GEMIN5: variants seen among roughly 807,000 people sequenced by gnomAD.
GEMIN5 encodes the protein gem nuclear organelle associated protein 5.
Under a neutral mutation model 176.9 loss-of-function variants are expected in GEMIN5, and 124 were observed. The ratio of observed to expected loss-of-function variants is 0.70; its 90% confidence interval spans 0.61 to 0.81. The LOEUF is 0.81. Among genes scored for constraint, GEMIN5 ranks in the 40% least tolerant of loss-of-function variants. The pLI is 0.00. For synonymous variants in GEMIN5, 673 were observed against 665.2 expected, an observed-to-expected ratio of 1.01 and a Z score of -0.18; for missense variants, 1,843 against 1,814.6, an observed-to-expected ratio of 1.02 and a Z score of -0.28.
At chr5:154,906,929 G>A (rs1763579542) in intron 16 of GEMIN5, among the ~76,000 whole-genome samples, 3 of 152,036 alleles carry the variant, frequency 2.0e-5, no homozygotes, top group Admixed American at 1.3e-4. Context: ...TTTTACCAGG[G>A]ACCAGATATT....
In GEMIN5 at chr5:154,924,539, T is replaced by C; in HGVS notation, c.1309A>G (p.Thr437Ala). Reference protein sequence around the residue: ...SKVTALCWHPTKEGCLAFGTD... With the variant: ...SKVTALCWHPAKEGCLAFGTD... ...CCAAAAGCTAAGCAACCTTCCTTGG[T>C]TGGGTGCCAGCACAGCTACAAAAAA... The change falls in exon 9 of 28, where the codon ACC (threonine) becomes GCC (alanine). Residue 437 changes from threonine to alanine, a missense_variant. By Grantham distance (58) the Thr-to-Ala change is moderately conservative. Coordinates refer to ENST00000285873, the MANE Select transcript of GEMIN5 (RefSeq NM_015465.5). 1 of 1,611,492 alleles carries C rather than the reference T, an allele frequency of 6.2e-7. No homozygotes were observed. The highest frequency in any genetic ancestry group is 1.1e-5 in the South Asian group (1 of 91,026).
At chr5:154,911,006 CTTATGT>C (rs1763688656) in intron 15 of GEMIN5, among the ~76,000 whole-genome samples, 1 of 151,912 alleles carries the variant, frequency 6.6e-6, no homozygotes, top group Non-Finnish European at 1.5e-5. Context: ...CCTCCTCTTA[CTTATGT>C]TTAACAGTTG....
Position 154,927,537 on chromosome 5 carries a change from G to A in GEMIN5, c.928C>T (p.Gln310Ter). 1 of 1,602,828 alleles carries A rather than the reference G, an allele frequency of 6.2e-7. No homozygotes were observed. The highest frequency in any genetic ancestry group is 1.3e-5 in the African/African-American group (1 of 74,878). ...VSSCFGGELLQWDLTQSWRRK... is the reference protein window; with the variant it reads ...VSSCFGGELL ...CTCCAAGATTGAGTGAGATCCCATT[G>A]CAACAGTTCACCTCTGTGAAGGAAA... Residue 310 changes from glutamine (Q) to a stop codon, truncating the protein, a stop_gained, in exon 7 of 28, where the codon CAA (glutamine) becomes TAA (stop). Transcript: ENST00000285873. LOFTEE classifies it high-confidence loss of function.
chr5:154,898,532 C>G lies in GEMIN5; in HGVS notation c.3253G>C (p.Ala1085Pro). 1 of 1,614,176 alleles carries G rather than the reference C, an allele frequency of 6.2e-7. No individual in the cohort carries two copies. The highest frequency in any genetic ancestry group is 2.2e-5 in the East Asian group (1 of 44,882). The change falls in exon 23 of 28, where the codon GCT (alanine) becomes CCT (proline). Residue 1085 changes from alanine to proline, a missense_variant. Coordinates refer to ENST00000285873, the MANE Select transcript of GEMIN5 (RefSeq NM_015465.5). ...AAIVGEDELS[A>P]SLALRCAQEL... Reference sequence around the variant, plus strand: ...TGGGCACATCTGAGAGCCAGGGAAGCAGACAACTCATCCTCTCCTACGATG... The same window carrying G: ...TGGGCACATCTGAGAGCCAGGGAAGGAGACAACTCATCCTCTCCTACGATG...
rs2113471796 is a variant in GEMIN5 at position 154,904,687 on chromosome 5, G to A, written c.2510-58C>T. 8 of 1,380,836 alleles carry A rather than the reference G, an allele frequency of 5.8e-6. No homozygotes were observed. In the East Asian group the frequency reaches 1.6e-4, roughly 28 times the overall value. 85.5% of individuals were successfully genotyped at this position (1,380,836 alleles called of 1,614,324 possible). A position where few individuals can be genotyped will look rare whatever the true frequency, so the allele number is the denominator to read the frequency against. On this transcript the variant is annotated intron_variant, in intron 17 of 27. Transcript: ENST00000285873. ...GAGAACTGATCAGAAACATAAAACGGAATGCCTATTGTGTGAATGTAACCT... is the reference window on the plus strand; with the variant it reads ...GAGAACTGATCAGAAACATAAAACGAAATGCCTATTGTGTGAATGTAACCT...
chr5:154,937,945 C>T, intron 1 of GEMIN5, 23 bp downstream of exon 1: 4 of 1,544,342 alleles, frequency 2.6e-6, no homozygotes, highest in East Asian at 2.6e-5. Context: ...CAGTAAGTCT[C>T]GGGCCCAAGG....
At chr5:154,912,644 A>T (rs769684853) in intron 14 of GEMIN5, among the ~76,000 whole-genome samples, 5 of 152,194 alleles carry the variant, frequency 3.3e-5, no homozygotes, top group Non-Finnish European at 7.3e-5. Flanking sequence ...AGTCAGAATG[A>T]AATCTGTAAA....
At chr5:154,901,544 C>T in intron 20 of GEMIN5, 58 bp from the exon 21 acceptor site, 1 of 1,545,444 alleles carries the variant, frequency 6.5e-7, no homozygotes. Flanking sequence ...AAAAACAATA[C>T]CCAGTACATT....
intron 9 of GEMIN5, among the ~76,000 whole-genome samples, chr5:154,922,341 G>A (rs757989778): frequency 3.9e-5 from 6 of 152,036 alleles, no homozygotes; most frequent in Non-Finnish European, 8.8e-5. Flanking sequence ...CTAATTTTTT[G>A]TACTTTTAGT....
chr5:154,909,083 T>A (rs1169242194), intron 15 of GEMIN5, among the ~76,000 whole-genome samples: 1 of 151,854 alleles, frequency 6.6e-6, no homozygotes, highest in Non-Finnish European at 1.5e-5. Flanking sequence ...CTCAGCCTCT[T>A]GAATAGCTGG....
chr5:154,920,190 A>C, intron 10 of GEMIN5, 87 bp from the exon 11 acceptor site: 1 of 980,882 alleles, frequency 1.0e-6, no homozygotes, highest in Non-Finnish European at 1.5e-6. Context: ...ACCATACTAC[A>C]TAGTTGTTTT....
At chr5:154,891,861 A>G (rs1040930646) in intron 25 of GEMIN5, 119 bp from the exon 26 acceptor site, 2 of 979,080 alleles carry the variant, frequency 2.0e-6, no homozygotes, top group African/African-American at 3.3e-5. Flanking sequence ...AAAAAGGACA[A>G]CAGTGTGATC....
At position 154,935,872 on chromosome 5, in the gene GEMIN5, A is replaced by C. The variant is rs777937200; in HGVS notation, c.478T>G (p.Ser160Ala). 3 of 1,613,620 alleles carry C rather than the reference A, an allele frequency of 1.9e-6. No homozygotes were observed. Among genetic ancestry groups the C allele is most frequent in the Non-Finnish European group, 8.5e-7 (1 of 1,179,658 alleles). Residue 160 changes from serine to alanine, a missense_variant, in exon 3 of 28, where the codon TCA (serine) becomes GCA (alanine). By Grantham distance (99) the Ser-to-Ala change is moderately conservative (BLOSUM62 1). Coordinates refer to ENST00000285873, the MANE Select transcript of GEMIN5 (RefSeq NM_015465.5). ...EPRTIFCLTC[S>A]PHHEDLVAIG... is the part of the protein sequence containing the mutation. ...GCTACTAAATCTTCATGATGAGGTG[A>C]ACAAGTAAGACAGAAAATTGTCCTG...
intron 1 of GEMIN5, among the ~76,000 whole-genome samples, chr5:154,937,719 A>T (rs548822277): frequency 1.3e-5 from 2 of 152,322 alleles, no homozygotes; most frequent in East Asian, 3.9e-4. Context: ...CCGAGACTAT[A>T]CAAGGCTAAC....
At position 154,892,431 on chromosome 5, in the gene GEMIN5, C is replaced by T. The variant is rs1763249772; in HGVS notation, c.3716G>A (p.Ser1239Asn). Reference protein sequence around the residue: ...RAVVRSYDSGSFTIMQEVYSA... With the variant: ...RAVVRSYDSGNFTIMQEVYSA... ...GTACACTTCCTGCATGATGGTGAAGCTCCCTGAGTCATAGCTCCGGACCAC... is the reference window on the plus strand; with the variant it reads ...GTACACTTCCTGCATGATGGTGAAGTTCCCTGAGTCATAGCTCCGGACCAC... Residue 1239 changes from serine (S) to asparagine (N), a missense_variant, in exon 25 of 28, where the codon AGC becomes AAC. Ser to Asn is a conservative substitution (Grantham distance 46, BLOSUM62 1). Transcript: ENST00000285873. The T allele has an allele frequency of 1.2e-6, 2 of 1,614,058 alleles. No individual in the cohort carries two copies. Among genetic ancestry groups the T allele is most frequent in the African/African-American group, 1.3e-5 (1 of 74,946 alleles).
At chr5:154,936,527 A>C (rs1189764115) in intron 2 of GEMIN5, among the ~76,000 whole-genome samples, 2 of 152,240 alleles carry the variant, frequency 1.3e-5, no homozygotes, top group East Asian at 1.9e-4. Flanking sequence ...AATCATTAAA[A>C]ATTTTTTAAA....
At chr5:154,921,475 A>G (rs769529582) in intron 9 of GEMIN5, 50 bp from the exon 10 acceptor site, 28 of 824,512 alleles carry the variant, frequency 3.4e-5, no homozygotes, top group African/African-American at 3.5e-5. Context: ...ACAAAAAGGC[A>G]TAATGAAAAA....
intron 13 of GEMIN5, 94 bp from the exon 14 acceptor site, chr5:154,913,132 A>G (rs981064051): frequency 1.8e-6 from 2 of 1,095,564 alleles, no homozygotes; most frequent in African/African-American, 1.6e-5. Flanking sequence ...GACAAGAATC[A>G]AGATTTTGCC....
At chr5:154,921,720 C>T (rs1763927996) in intron 9 of GEMIN5, among the ~76,000 whole-genome samples, 1 of 152,156 alleles carries the variant, frequency 6.6e-6, no homozygotes, top group Admixed American at 6.5e-5. Flanking sequence ...CTAGCCAGAA[C>T]ATATATTATC....
Sources: allele counts gnomAD v4.1 joint callset (sites outside exome capture counted in the v4.1 genomes callset), GRCh38; gene constraint gnomAD v4.1.1; transcripts MANE v1.5; gene names NCBI Gene and HGNC (gene_info 2026-07-23, HGNC 2026-07-21).